Variants in ZBTB7C observed in about 807,000 individuals in gnomAD.
ZBTB7C encodes the protein zinc finger and BTB domain-containing protein 7C.
ZBTB7C carries 8 observed loss-of-function variants against 25.7 expected under a neutral mutation model. That is an observed-to-expected ratio of 0.31 (90% CI 0.18 to 0.56). ZBTB7C has a LOEUF of 0.56. Among genes scored for constraint, ZBTB7C ranks in the 20% least tolerant of loss-of-function variants. The pLI, the probability that ZBTB7C is intolerant of heterozygous loss-of-function variation, is 0.91. For missense variants in ZBTB7C, 824 were observed against 855.2 expected (o/e 0.96, Z 0.46); for synonymous variants, 394 against 369.0 (o/e 1.07, Z -0.78).
At chr18:48,349,010 TG>T (rs1455351849) in intron 1 of ZBTB7C, among the ~76,000 whole-genome samples, 1 of 152,014 alleles carries the variant, frequency 6.6e-6, no homozygotes, top group Non-Finnish European at 1.5e-5. Flanking sequence ...GAGGGACAGA[TG>T]GGAGGCATGG....
intron 3 of ZBTB7C, among the ~76,000 whole-genome samples, chr18:48,050,560 G>A (rs2036644684): frequency 6.6e-6 from 1 of 152,192 alleles, no homozygotes; most frequent in Admixed American, 6.5e-5. Flanking sequence ...CCTCTGCTAA[G>A]GGCAATGGCC....
chr18:48,133,810 T>A (rs2040061382), intron 3 of ZBTB7C, among the ~76,000 whole-genome samples: 2 of 152,134 alleles, frequency 1.3e-5, no homozygotes, highest in South Asian at 4.1e-4. Flanking sequence ...CCGATTCCCC[T>A]CCCTCTATTC....
In ZBTB7C at chr18:48,304,709, C is replaced by T. The variant is rs373941608; in HGVS notation, c.-79+33465G>A. 4.6e-5 allele frequency among the ~76,000 whole-genome samples: 7 copies of T among 152,008 alleles called. No homozygotes were observed. In the South Asian group the frequency reaches 6.3e-4, roughly 14 times the overall value. ...TACAAAACTTAGCTTGCCATGGTGG[C>T]GCACACCTGTAATCCCAGCTGCTCA... On this transcript the variant is annotated intron_variant, in intron 2 of 4. Transcript: ENST00000590800.
intron 2 of ZBTB7C, among the ~76,000 whole-genome samples, chr18:48,320,296 G>T (rs1054863316): frequency 9.9e-5 from 15 of 152,218 alleles, no homozygotes; most frequent in African/African-American, 3.4e-4. Flanking sequence ...AGATGGGTAG[G>T]TGGGAAGATG....
rs1012644557 is a variant in ZBTB7C at position 48,238,597 on chromosome 18, T to C, written c.-78-52602A>G. ...TAGAGAGCCGAATGAAATATAAAAGTAGAAGCAGCAAAAAGATCTCTGTAG... is the reference window on the plus strand; with the variant it reads ...TAGAGAGCCGAATGAAATATAAAAGCAGAAGCAGCAAAAAGATCTCTGTAG... On this transcript the variant is annotated intron_variant, in intron 2 of 4. Coordinates refer to ENST00000590800, the MANE Select transcript of ZBTB7C (RefSeq NM_001318841.2). Among the ~76,000 whole-genome samples, 10 of 152,258 alleles carry C rather than the reference T, an allele frequency of 6.6e-5. No homozygotes were observed. In the East Asian group the frequency reaches 1.5e-3, roughly 23 times the overall value.
chr18:48,227,172 C>T (rs1400498920), intron 2 of ZBTB7C, among the ~76,000 whole-genome samples: 2 of 152,186 alleles, frequency 1.3e-5, no homozygotes, highest in Non-Finnish European at 2.9e-5. Context: ...GCTGTCTGGG[C>T]CAGGAGGGCT....
At chr18:48,231,036 G>A in intron 2 of ZBTB7C, among the ~76,000 whole-genome samples, 1 of 152,208 alleles carries the variant, frequency 6.6e-6, no homozygotes, top group South Asian at 2.1e-4. Flanking sequence ...GAACGGGAGG[G>A]AGTCTGAAGG....
chr18:48,398,103 G>A lies in ZBTB7C; in HGVS notation c.-304+11123C>T, dbSNP rs1288004045. ...AGCATCCTGAGCCCCTGAAAGGGCC[G>A]GCTGCCGGGATTAGGGACAGCATTC... is the stretch of plus-strand genomic sequence containing the variant. On this transcript the variant is annotated intron_variant, in intron 1 of 4. Transcript: ENST00000590800. Among the ~76,000 whole-genome samples the A allele has an allele frequency of 2.6e-5, 4 of 152,346 alleles. No homozygotes were observed. In the East Asian group the frequency reaches 5.8e-4, roughly 22 times the overall value.
chr18:48,053,197 G>A (rs539140759), intron 3 of ZBTB7C, among the ~76,000 whole-genome samples: 12 of 152,214 alleles, frequency 7.9e-5, no homozygotes, highest in Non-Finnish European at 1.5e-4. Flanking sequence ...TTCCATGTCT[G>A]TCTTCCCATC....
chr18:48,336,962 G>A (rs185094200), intron 2 of ZBTB7C, among the ~76,000 whole-genome samples: 2 of 152,194 alleles, frequency 1.3e-5, no homozygotes, highest in African/African-American at 4.8e-5. Flanking sequence ...CCTTGCCAGA[G>A]ACCCTGGAGC....
At chr18:48,329,849 T>C (rs2046305188) in intron 2 of ZBTB7C, among the ~76,000 whole-genome samples, 1 of 152,162 alleles carries the variant, frequency 6.6e-6, no homozygotes, top group South Asian at 2.1e-4. Context: ...AAACTAAAAG[T>C]TGTTGAGGGC....
intron 1 of ZBTB7C, among the ~76,000 whole-genome samples, chr18:48,386,059 T>C (rs941922102): frequency 2.6e-5 from 4 of 152,194 alleles, no homozygotes; most frequent in African/African-American, 9.7e-5. Context: ...TTATCCTCCA[T>C]TCCACCCCTG....
chr18:48,246,529 T>TA (rs912230009), intron 2 of ZBTB7C, among the ~76,000 whole-genome samples: 3 of 151,102 alleles, frequency 2.0e-5, no homozygotes, highest in Admixed American at 6.6e-5. Flanking sequence ...AAAATGGAAA[T>TA]AAAAAAACAC....
chr18:48,282,846 T>C (rs2044909755), intron 2 of ZBTB7C, among the ~76,000 whole-genome samples: 1 of 152,178 alleles, frequency 6.6e-6, no homozygotes, highest in South Asian at 2.1e-4. Context: ...TGGTTACCCT[T>C]AGGAATGTGA....
intron 1 of ZBTB7C, among the ~76,000 whole-genome samples, chr18:48,405,123 C>A (rs2145330912): frequency 6.6e-6 from 1 of 152,242 alleles, no homozygotes; most frequent in South Asian, 2.1e-4. Context: ...CCCATTCCTC[C>A]CTCCACCAAC....
At chr18:48,116,195 C>T (rs1323272049) in intron 3 of ZBTB7C, among the ~76,000 whole-genome samples, 1 of 152,088 alleles carries the variant, frequency 6.6e-6, no homozygotes, top group Non-Finnish European at 1.5e-5. Context: ...TGGGAGACTC[C>T]TCACTGTGCT....
chr18:48,351,032 G>C (rs529794114), intron 1 of ZBTB7C, among the ~76,000 whole-genome samples: 1 of 151,860 alleles, frequency 6.6e-6, no homozygotes, highest in African/African-American at 2.4e-5. Flanking sequence ...TATGTGCCTG[G>C]ATGTCTGTAG....
chr18:48,402,872 C>T (rs1165629187), intron 1 of ZBTB7C, among the ~76,000 whole-genome samples: 3 of 152,124 alleles, frequency 2.0e-5, no homozygotes, highest in African/African-American at 7.2e-5. Context: ...AGTCTTATTG[C>T]TTTAATAATC....
chr18:48,382,942 G>T (rs926424384), intron 1 of ZBTB7C, among the ~76,000 whole-genome samples: 3 of 152,158 alleles, frequency 2.0e-5, no homozygotes, highest in Non-Finnish European at 4.4e-5. Flanking sequence ...AAAAGTGACA[G>T]GCAACATAAA....
Sources: gnomAD v4.1 joint callset for allele counts (sites outside exome capture counted in the v4.1 genomes callset) on GRCh38, gnomAD v4.1.1 for gene constraint, MANE v1.5 for transcripts, NCBI Gene and HGNC (gene_info 2026-07-23, HGNC 2026-07-21) for gene names.